MAP4K4: variants seen among roughly 807,000 people sequenced by gnomAD.
MAP4K4 encodes HPK/GCK-like kinase HGK.
MAP4K4 carries 38 observed loss-of-function variants against 189.6 expected under a neutral mutation model. The ratio of observed to expected loss-of-function variants is 0.20; its 90% CI spans 0.15 to 0.26. MAP4K4 has a LOEUF of 0.26. Ranked by LOEUF, MAP4K4 falls within the 10% of genes least tolerant of loss-of-function variation. The pLI is 1.00. For synonymous variants in MAP4K4, 610 were observed against 624.3 expected (o/e 0.98, Z 0.34); for missense variants, 1,054 against 1,726.9 (o/e 0.61, Z 6.91).
intron 16 of MAP4K4, chr2:101,861,800 G>C (rs1284380246): frequency 6.6e-6 from 1 of 152,154 alleles, no homozygotes; most frequent in Non-Finnish European, 1.5e-5. Flanking sequence ...TTTCCCGCTT[G>C]CCACTCTGTA....
intron 2 of MAP4K4, among the ~76,000 whole-genome samples, chr2:101,765,867 G>T (rs978384935): frequency 6.6e-6 from 1 of 152,102 alleles, no homozygotes; most frequent in African/African-American, 2.4e-5. Flanking sequence ...TCTGTGAGGC[G>T]TATTTTAAAG....
intron 13 of MAP4K4, among the ~76,000 whole-genome samples, 195 bp downstream of exon 13, chr2:101,856,333 T>C (rs1031999939): frequency 6.6e-6 from 1 of 152,186 alleles, no homozygotes; most frequent in South Asian, 2.1e-4. Flanking sequence ...TCTCTTGTCT[T>C]AAAAAGGGTT....
At chr2:101,846,133 G>A (rs1373383086) in intron 12 of MAP4K4, among the ~76,000 whole-genome samples, 1 of 152,212 alleles carries the variant, frequency 6.6e-6, no homozygotes, top group Non-Finnish European at 1.5e-5. Context: ...TTCCCCTGTA[G>A]TAGGGACAAC....
At chr2:101,889,978 C>G (rs938684604) in intron 32 of MAP4K4, among the ~76,000 whole-genome samples, 5 of 152,156 alleles carry the variant, frequency 3.3e-5, no homozygotes, top group Admixed American at 1.3e-4. Context: ...TTGAAAATCT[C>G]TACAGCTCAG....
At position 101,841,015 on chromosome 2, in the gene MAP4K4, GA is replaced by G. The variant is rs1235395175; in HGVS notation, c.949+1028del. ...CAATTGACATGGAAGCGCTGTTCAG[GA>G]AAAAAATTATTTGCATATTGGATCA... On this transcript the variant is annotated intron_variant, in intron 10 of 32. Transcript: ENST00000324219. 5.9e-5 allele frequency among the ~76,000 whole-genome samples: 9 copies of G among 152,238 alleles called. No individual in the cohort carries two copies. In the East Asian group the frequency reaches 1.7e-3, roughly 29 times the overall value.
At chr2:101,703,509 T>C (rs906160526) in intron 2 of MAP4K4, among the ~76,000 whole-genome samples, 2 of 149,384 alleles carry the variant, frequency 1.3e-5, no homozygotes, top group African/African-American at 5.0e-5. Context: ...TCCCAGCCAC[T>C]TGGGAGGCTG....
In MAP4K4 at chr2:101,825,402, C is replaced by T. The variant is rs376279607; in HGVS notation, c.390C>T (p.Ile130=). The stretch of plus-strand genomic sequence containing the variant: ...GGAACACACTCAAAGAAGACTGGAT[C>T]GCTTACATCTCCAGAGAAATCCTGA... Residue 130 remains isoleucine, a synonymous_variant, in exon 5 of 33, where the codon ATC becomes ATT. Transcript: ENST00000324219. The T allele has an allele frequency of 1.5e-4, 250 of 1,613,224 alleles. 2 individuals carry two copies. In the South Asian group the frequency reaches 2.4e-3, roughly 16 times the overall value.
chr2:101,848,589 C>T (rs917820381), intron 12 of MAP4K4, among the ~76,000 whole-genome samples: 1 of 152,178 alleles, frequency 6.6e-6, no homozygotes, highest in African/African-American at 2.4e-5. Context: ...GTGCAGATGC[C>T]ACAAAACCAG....
At chr2:101,882,970 T>G (rs1466634347) in intron 28 of MAP4K4, among the ~76,000 whole-genome samples, 1 of 152,194 alleles carries the variant, frequency 6.6e-6, no homozygotes, top group Non-Finnish European at 1.5e-5. Context: ...GTGAGAGTCT[T>G]TCCACTCCTC....
At chr2:101,885,059 C>A in intron 28 of MAP4K4, 128 bp from the exon 29 acceptor site, 2 of 461,260 alleles carry the variant, frequency 4.3e-6, no homozygotes, top group South Asian at 9.0e-5. Flanking sequence ...TGAATTTTTC[C>A]CCTGCTTGTT....
intron 27 of MAP4K4, among the ~76,000 whole-genome samples, chr2:101,878,679 T>C (rs2098283079): frequency 6.6e-6 from 1 of 152,218 alleles, no homozygotes; most frequent in Non-Finnish European, 1.5e-5. Flanking sequence ...ATTAGTGTTA[T>C]TCCTTGGTCA....
At chr2:101,878,440 C>T (rs1051062527) in intron 27 of MAP4K4, among the ~76,000 whole-genome samples, 1 of 152,218 alleles carries the variant, frequency 6.6e-6, no homozygotes, top group African/African-American at 2.4e-5. Flanking sequence ...GTCCAAAACA[C>T]GTAGTCTGCT....
chr2:101,887,645 A>G, intron 30 of MAP4K4, 133 bp from the exon 31 acceptor site: 1 of 643,900 alleles, frequency 1.6e-6, no homozygotes, highest in Non-Finnish European at 2.6e-6. Flanking sequence ...CTATTCTAAA[A>G]TGTTAATCTA....
rs137955793 is a variant in MAP4K4, at chr2:101,801,801, G to C, written c.180+11025G>C. Reference sequence around the variant, plus strand: ...AGCATCTCTACTTGGAAGTCCGATAGCCTAAACTCAACATGTCTCATGTGA... The same window carrying C: ...AGCATCTCTACTTGGAAGTCCGATACCCTAAACTCAACATGTCTCATGTGA... On this transcript the variant is annotated intron_variant, in intron 3 of 32. Coordinates refer to ENST00000324219, the Ensembl canonical transcript of MAP4K4. Among the ~76,000 whole-genome samples, 13 of 152,276 alleles carry C rather than the reference G, an allele frequency of 8.5e-5. No homozygotes were observed. The East Asian group carries it at 2.3e-3, about 27-fold the overall frequency.
chr2:101,829,165 G>A (rs2096501085), intron 5 of MAP4K4, among the ~76,000 whole-genome samples: 1 of 152,168 alleles, frequency 6.6e-6, no homozygotes, highest in Non-Finnish European at 1.5e-5. Flanking sequence ...TAGACATTTA[G>A]CGTGGGAAAG....
intron 12 of MAP4K4, among the ~76,000 whole-genome samples, chr2:101,850,374 A>T (rs2097244763): frequency 6.6e-6 from 1 of 152,254 alleles, no homozygotes; most frequent in Non-Finnish European, 1.5e-5. Flanking sequence ...TCAGTAAAAA[A>T]TTAATAAACT....
intron 12 of MAP4K4, 58 bp downstream of exon 12, chr2:101,844,369 G>C (rs2097021030): frequency 2.1e-6 from 3 of 1,400,138 alleles, no homozygotes; most frequent in Admixed American, 4.1e-5. Flanking sequence ...ATTTACACTG[G>C]TAGTTAGCCA....
intron 2 of MAP4K4, among the ~76,000 whole-genome samples, chr2:101,716,299 C>T (rs984714892): frequency 9.9e-5 from 15 of 152,116 alleles, no homozygotes; most frequent in East Asian, 1.9e-4. Context: ...AAAAATTAGC[C>T]GGGCGTGGTG....
exon 33 of MAP4K4, chr2:101,893,752 C>T (rs539139635): frequency 6.5e-6 from 1 of 154,578 alleles, no homozygotes; most frequent in East Asian, 1.9e-4. Context: ...TTGGAATTAC[C>T]AAGTGCTTAG....
Sources: allele counts gnomAD v4.1 joint callset (sites outside exome capture counted in the v4.1 genomes callset), GRCh38; gene constraint gnomAD v4.1.1; transcripts MANE v1.5; gene names NCBI Gene and HGNC (gene_info 2026-07-23, HGNC 2026-07-21).